PXDC1: variants seen among roughly 807,000 people sequenced by gnomAD.
PXDC1 encodes PX domain-containing protein 1.
PXDC1 carries 13 observed loss-of-function variants against 24.4 expected under a neutral mutation model. The observed-to-expected ratio is 0.53, with a 90% CI of 0.35 to 0.85. The LOEUF is 0.85. Among genes scored for constraint, PXDC1 ranks in the 40% least tolerant of loss-of-function variants. The pLI, the probability that PXDC1 is intolerant of heterozygous loss-of-function variation, is 0.01. For missense variants in PXDC1, 344 were observed against 309.3 expected, an observed-to-expected ratio of 1.11 and a Z score of -0.84; for synonymous variants, 162 against 124.9, an observed-to-expected ratio of 1.30 and a Z score of -1.98.
At chr6:3,730,876 C>T (rs1760180822) in intron 3 of PXDC1, among the ~76,000 whole-genome samples, 1 of 152,244 alleles carries the variant, frequency 6.6e-6, no homozygotes, top group African/African-American at 2.4e-5. Context: ...GGTAGGAAAG[C>T]ATGCAGACTG....
intron 1 of PXDC1, among the ~76,000 whole-genome samples, chr6:3,750,410 C>T (rs1581255017): frequency 6.6e-6 from 1 of 152,160 alleles, no homozygotes. Context: ...GTCTTCCCGC[C>T]CCTTCTCCCC....
chr6:3,724,256 G>A lies in PXDC1; in HGVS notation c.579-520C>T, dbSNP rs1386929771. ...GTCACGGGGGGAGACACCTTCTAGC[G>A]GGGAAGCCTGCATGTGGGTACGTGT... is the stretch of plus-strand genomic sequence containing the variant. On this transcript the variant is annotated intron_variant, in intron 4 of 4. Transcript: ENST00000380283. This position sits in a 1 kb window ranked among gnomAD's most constrained non-coding sequence, Gnocchi z 4.5. Among the ~76,000 whole-genome samples the A allele has an allele frequency of 2.6e-5, 4 of 151,848 alleles. No homozygotes were observed. The highest frequency in any genetic ancestry group is 7.3e-5 in the African/African-American group (3 of 41,304).
intron 1 of PXDC1, among the ~76,000 whole-genome samples, chr6:3,750,359 TCAC>T (rs1180859411): frequency 6.6e-6 from 1 of 152,166 alleles, no homozygotes; most frequent in East Asian, 1.9e-4. Flanking sequence ...CTACAGGTGG[TCAC>T]CCATGGAGGG....
rs1581241529 is a variant in PXDC1, at chr6:3,728,427, T to C, written c.467-765A>G. 6.6e-6 allele frequency among the ~76,000 whole-genome samples: 1 copy of C among 152,240 alleles called. No individual in the cohort carries two copies. Among genetic ancestry groups the C allele is most frequent in the Non-Finnish European group, 1.5e-5 (1 of 68,044 alleles). On this transcript the variant is annotated intron_variant, in intron 3 of 4. Coordinates refer to ENST00000380283, the MANE Select transcript of PXDC1 (RefSeq NM_183373.4). The surrounding 1 kb of genome is among the most constrained non-coding windows in gnomAD (Gnocchi z 4.0). ...TGCATTTTAAACCAAAGGGTGACTT[T>C]CACTGTTTCGCTTTATGTAATTCTG...
Position 3,737,278 on chromosome 6 carries a change from C to T in PXDC1, c.349-82G>A, listed in dbSNP as rs1760340925. 1 of 959,100 alleles carries T rather than the reference C, an allele frequency of 1.0e-6. No individual in the cohort carries two copies. The allele number at this position is 959,100 out of a possible 1,614,324, so 59.4% of individuals were successfully genotyped here. On this transcript the variant is annotated intron_variant, in intron 2 of 4. Coordinates refer to ENST00000380283, the MANE Select transcript of PXDC1 (RefSeq NM_183373.4). This position sits in a 1 kb window ranked among gnomAD's most constrained non-coding sequence, Gnocchi z 5.5. ...CTGTCTACCAAGAGAGGGCCCCGCT[C>T]CTCCGCAGAGGCAGCCTGTGTGATG...
intron 1 of PXDC1, among the ~76,000 whole-genome samples, chr6:3,740,131 T>C (rs181572204): frequency 1.3e-5 from 2 of 152,236 alleles, no homozygotes; most frequent in African/African-American, 4.8e-5. Flanking sequence ...ATCCAGCACA[T>C]GTATACCCAT....
rs202184862 is a variant in PXDC1, at chr6:3,737,100, G to A, written c.445C>T (p.Gln149Ter). 3.7e-6 allele frequency: 6 copies of A among 1,611,260 alleles called. No homozygotes were observed. The highest frequency in any genetic ancestry group is 5.1e-6 in the Non-Finnish European group (6 of 1,177,346). ...TTACCTGATATTTTGACTGGACTTT[G>A]AAAGCTGGGTTGAATTTTATGCACA... ...DNVHKIQPSF[Q>*]SPVKISEIMR... The change falls in exon 3 of 5, where the codon CAA becomes TAA. Residue 149 changes from glutamine (Q) to a stop codon, truncating the protein, a stop_gained. Coordinates refer to ENST00000380283, the MANE Select transcript of PXDC1 (RefSeq NM_183373.4). LOFTEE classifies it high-confidence loss of function. This position sits in a 1 kb window ranked among gnomAD's most constrained non-coding sequence, Gnocchi z 5.5.
At position 3,731,002 on chromosome 6, in the gene PXDC1, C is replaced by G. The variant is rs1760183100; in HGVS notation, c.467-3340G>C. On this transcript the variant is annotated intron_variant, in intron 3 of 4. Transcript: ENST00000380283. ...TTCCAAAGGCCATTGTGCAGACTAA[C>G]TTGAGATGATGTATGTAAAGAATCT... 2.6e-5 allele frequency among the ~76,000 whole-genome samples: 4 copies of G among 152,196 alleles called. 1 individual carries two copies. In the South Asian group the frequency reaches 6.2e-4, roughly 24 times the overall value.
At chr6:3,746,794 G>A (rs1760581501) in intron 1 of PXDC1, among the ~76,000 whole-genome samples, 1 of 152,086 alleles carries the variant, frequency 6.6e-6, no homozygotes, top group Non-Finnish European at 1.5e-5. Context: ...GGTAACACAG[G>A]GCTTCTCCCC....
intron 1 of PXDC1, chr6:3,738,954 G>T (rs1760393798): frequency 1.5e-6 from 2 of 1,298,400 alleles, no homozygotes; most frequent in Admixed American, 2.3e-5. Flanking sequence ...TGTGACCGAG[G>T]CTGATGCAAA....
chr6:3,728,191 GA>G lies in PXDC1; in HGVS notation c.467-530del, dbSNP rs1760111192. ...GTTACAGGTGGGTCTTGGTTACACGGATAAGTTCTTTAGCGGTGATTTCTGA... is the reference window on the plus strand; with the variant it reads ...GTTACAGGTGGGTCTTGGTTACACGGTAAGTTCTTTAGCGGTGATTTCTGA... On this transcript the variant is annotated intron_variant, in intron 3 of 4. Transcript: ENST00000380283. This position sits in a 1 kb window ranked among gnomAD's most constrained non-coding sequence, Gnocchi z 4.0. Among the ~76,000 whole-genome samples, 1 of 152,154 alleles carries G rather than the reference GA, an allele frequency of 6.6e-6. No individual in the cohort carries two copies. Among genetic ancestry groups the G allele is most frequent in the South Asian group, 2.1e-4 (1 of 4,832 alleles).
At chr6:3,749,361 T>C (rs1020365722) in intron 1 of PXDC1, among the ~76,000 whole-genome samples, 3 of 151,408 alleles carry the variant, frequency 2.0e-5, no homozygotes, top group Non-Finnish European at 4.4e-5. Flanking sequence ...CTGTTCCCCT[T>C]GAGGTACTTG....
chr6:3,728,323 C>A lies in PXDC1; in HGVS notation c.467-661G>T, dbSNP rs1002117083. Among the ~76,000 whole-genome samples, 1 of 152,166 alleles carries A rather than the reference C, an allele frequency of 6.6e-6. No individual in the cohort carries two copies. The highest frequency in any genetic ancestry group is 2.4e-5 in the African/African-American group (1 of 41,436). ...GTCCATGATATCATTCTTATGCCTTCGCATCCTCATAGCTTAGCTCCCACT... is the reference window on the plus strand; with the variant it reads ...GTCCATGATATCATTCTTATGCCTTAGCATCCTCATAGCTTAGCTCCCACT... On this transcript the variant is annotated intron_variant, in intron 3 of 4. Transcript: ENST00000380283. The surrounding 1 kb of genome is among the most constrained non-coding windows in gnomAD (Gnocchi z 4.0).
chr6:3,751,689 G>GCAGCGGGC lies in PXDC1; in HGVS notation c.-159_-158insGCCCGCTG. 1 of 1,124,016 alleles carries GCAGCGGGC rather than the reference G, an allele frequency of 8.9e-7. No individual in the cohort carries two copies. Among genetic ancestry groups the GCAGCGGGC allele is most frequent in the African/African-American group, 1.6e-5 (1 of 61,322 alleles). 69.6% of individuals were successfully genotyped at this position (1,124,016 alleles called of 1,614,324 possible). On this transcript the variant is annotated 5_prime_UTR_variant, in exon 1 of 5. Coordinates refer to ENST00000380283, the MANE Select transcript of PXDC1 (RefSeq NM_183373.4). ...AGGCTGCGTATGGCCCGCGTTCGGGGCAGCGGGGCGGCGCGGCGGCGAGTG... is the reference window on the plus strand; with the variant it reads ...AGGCTGCGTATGGCCCGCGTTCGGGGCAGCGGGCCAGCGGGGCGGCGCGGCGGCGAGTG...
chr6:3,746,708 G>A (rs1037439305), intron 1 of PXDC1, among the ~76,000 whole-genome samples: 3 of 152,112 alleles, frequency 2.0e-5, no homozygotes, highest in East Asian at 1.9e-4. Flanking sequence ...GATCATTTCT[G>A]AGCCACTGTC....
At position 3,751,506 on chromosome 6, in the gene PXDC1, G is replaced by A. The variant is rs1047054363; in HGVS notation, c.26C>T (p.Thr9Met). Residue 9 changes from threonine (T) to methionine (M), a missense_variant, in exon 1 of 5, where the codon ACG (threonine) becomes ATG (methionine). Coordinates refer to ENST00000380283, the MANE Select transcript of PXDC1 (RefSeq NM_183373.4). The stretch of plus-strand genomic sequence containing the variant: ...GCGCACGAACATGTTCACGAGCGAC[G>A]TGCCCTCAAACACCGCCGAGGCCAT... The part of the protein sequence containing the change: MASAVFEG[T>M]SLVNMFVRGC... The A allele has an allele frequency of 5.0e-6, 8 of 1,600,756 alleles. No individual in the cohort carries two copies. In the African/African-American group the frequency reaches 6.8e-5, roughly 14 times the overall value.
At chr6:3,750,589 G>A (rs1187258304) in intron 1 of PXDC1, among the ~76,000 whole-genome samples, 1 of 152,206 alleles carries the variant, frequency 6.6e-6, no homozygotes, top group African/African-American at 2.4e-5. Flanking sequence ...AGCCACCGCG[G>A]TTTCTGAAAA....
intron 3 of PXDC1, among the ~76,000 whole-genome samples, chr6:3,731,985 T>G (rs1458511316): frequency 6.6e-6 from 1 of 152,254 alleles, no homozygotes; most frequent in Non-Finnish European, 1.5e-5. Flanking sequence ...CACAGCGAAG[T>G]TACCACCTTT....
chr6:3,748,452 G>A (rs1326106043), intron 1 of PXDC1, among the ~76,000 whole-genome samples: 2 of 152,086 alleles, frequency 1.3e-5, no homozygotes, highest in Non-Finnish European at 2.9e-5. Context: ...CCAGGAGAGA[G>A]CGCTAGTGAG....
Sources: allele counts gnomAD v4.1 joint callset (sites outside exome capture counted in the v4.1 genomes callset), GRCh38; gene constraint gnomAD v4.1.1; non-coding constraint Gnocchi (gnomAD v3.1); transcripts MANE v1.5; gene names NCBI Gene and HGNC (gene_info 2026-07-23, HGNC 2026-07-21).